TAF1A: variants seen among roughly 807,000 people sequenced by gnomAD.
The protein encoded by TAF1A is TATA-box binding protein associated factor, RNA polymerase I subunit A.
TAF1A carries 42 observed loss-of-function variants against 61.6 expected under a neutral mutation model. The observed-to-expected ratio is 0.68, with a 90% CI of 0.53 to 0.88. The LOEUF (loss-of-function observed/expected upper bound fraction) is 0.88, where lower values mean the gene tolerates loss of function less well. Ranked by LOEUF, TAF1A falls within the 40% of genes least tolerant of loss-of-function variation. The probability of loss-of-function intolerance (pLI) is 0.00; values close to 1 mark genes in which losing one functional copy is unlikely to be tolerated. For synonymous variants in TAF1A, 179 were observed against 177.7 expected (o/e 1.01, Z -0.06); for missense variants, 424 against 518.7 (o/e 0.82, Z 1.77).
intron 4 of TAF1A, among the ~76,000 whole-genome samples, chr1:222,578,619 TATCTC>T (rs1660664105): frequency 6.6e-6 from 1 of 152,206 alleles, no homozygotes; most frequent in Admixed American, 6.5e-5. Flanking sequence ...TTTGCAAACT[TATCTC>T]AAGTATCACT....
chr1:222,569,129 C>A, intron 7 of TAF1A: 1 of 549,698 alleles, frequency 1.8e-6, no homozygotes, highest in Non-Finnish European at 2.4e-6. Flanking sequence ...CTGGGGGCGA[C>A]AGAAATGTTC....
chr1:222,581,275 G>A (rs1016040676), intron 3 of TAF1A, among the ~76,000 whole-genome samples: 12 of 152,176 alleles, frequency 7.9e-5, no homozygotes, highest in Non-Finnish European at 1.2e-4. Context: ...ACAAGAGGCT[G>A]TAACATGTTC....
chr1:222,566,878 AG>A lies in TAF1A; in HGVS notation c.894+2631del, dbSNP rs1187036140. 2.0e-5 allele frequency among the ~76,000 whole-genome samples: 3 copies of A among 152,376 alleles called. No individual in the cohort carries two copies. The East Asian group carries it at 5.8e-4, about 29-fold the overall frequency. On this transcript the variant is annotated intron_variant, in intron 7 of 10. Transcript: ENST00000352967. The stretch of plus-strand genomic sequence containing the variant: ...GAATGTAAAATAGTGTAGTTGCTGT[AG>A]AAAACAGTTTGACAATTCCTCAAAA...
intron 3 of TAF1A, among the ~76,000 whole-genome samples, chr1:222,581,966 GA>G (rs1401000856): frequency 6.6e-6 from 1 of 152,176 alleles, no homozygotes; most frequent in Non-Finnish European, 1.5e-5. Flanking sequence ...CTGGGGATAG[GA>G]CCAAAGGCTA....
At chr1:222,561,599 T>C in intron 9 of TAF1A, 81 bp from the exon 10 acceptor site, 1 of 1,325,482 alleles carries the variant, frequency 7.5e-7, no homozygotes, top group Non-Finnish European at 1.0e-6. Flanking sequence ...AACTAGAGTC[T>C]ACAGAAAGAT....
Position 222,589,852 on chromosome 1 carries a change from G to A in TAF1A, c.-128C>T, listed in dbSNP as rs1457176302. 5 of 391,880 alleles carry A rather than the reference G, an allele frequency of 1.3e-5. No individual in the cohort carries two copies. Among genetic ancestry groups the A allele is most frequent in the Non-Finnish European group, 2.2e-5 (5 of 222,378 alleles). The allele number at this position is 391,880 out of a possible 1,614,324, so 24.3% of individuals were successfully genotyped here. ...TGAGCAGGCGCTAAACCTGGTTTAG[G>A]TATTTAGGCAGCGCGCGGCCCGGCT... On this transcript the variant is annotated 5_prime_UTR_variant, in exon 1 of 11. Transcript: ENST00000352967.
At chr1:222,579,732 G>A (rs1660710263) in intron 4 of TAF1A, 27 bp downstream of exon 4, 7 of 1,586,154 alleles carry the variant, frequency 4.4e-6, no homozygotes, top group African/African-American at 2.7e-5. Flanking sequence ...TACTGCAAGT[G>A]TAAATTCACA....
chr1:222,558,774 TA>T lies in TAF1A; in HGVS notation c.1241-3del. 2 of 1,463,632 alleles carry T rather than the reference TA, an allele frequency of 1.4e-6. No individual in the cohort carries two copies. Among genetic ancestry groups the T allele is most frequent in the Non-Finnish European group, 1.8e-6 (2 of 1,085,082 alleles). 90.7% of individuals were successfully genotyped at this position (1,463,632 alleles called of 1,614,324 possible). On this transcript the variant is annotated splice_polypyrimidine_tract_variant and splice_region_variant and intron_variant, in intron 10 of 10. Transcript: ENST00000352967. ...AAATATACCGGAAATATCTACAACCTAAAAAGTTAAGCAAAATAAAAAGTTT... is the reference window on the plus strand; with the variant it reads ...AAATATACCGGAAATATCTACAACCTAAAAGTTAAGCAAAATAAAAAGTTT...
At chr1:222,554,588 C>T (rs1558137030), downstream of TAF1A, among the ~76,000 whole-genome samples, 1 of 150,460 alleles carries the variant, frequency 6.6e-6, no homozygotes, top group African/African-American at 2.4e-5. Context: ...AAAGGGCACA[C>T]CTATCTGTTT....
At chr1:222,581,768 C>T (rs1478677911) in intron 3 of TAF1A, among the ~76,000 whole-genome samples, 1 of 152,054 alleles carries the variant, frequency 6.6e-6, no homozygotes, top group African/African-American at 2.4e-5. Context: ...CTGGTTAAGG[C>T]AAAGGCAATC....
Position 222,586,820 on chromosome 1 carries a change from C to A in TAF1A, c.121+1623G>T, listed in dbSNP as rs190862847. ...CTACCAGCATAAAAAATAAATAGAA[C>A]AATTGTTAGGCAATTTTGTTTTCCT... is the stretch of plus-strand genomic sequence containing the variant. On this transcript the variant is annotated intron_variant, in intron 2 of 10. Coordinates refer to ENST00000352967, the MANE Select transcript of TAF1A (RefSeq NM_005681.4). Among the ~76,000 whole-genome samples the A allele has an allele frequency of 1.4e-3, 219 of 152,288 alleles. 1 individual carries two copies. Among genetic ancestry groups the A allele is most frequent in the African/African-American group, 5.0e-3 (209 of 41,574 alleles).
intron 5 of TAF1A, among the ~76,000 whole-genome samples, chr1:222,573,324 G>C (rs79055626): frequency 0.021 from 3,244 of 152,158 alleles, 94 homozygotes; most frequent in African/African-American, 0.074. Context: ...CACAGAAAAG[G>C]TGAAAATATT....
intron 3 of TAF1A, among the ~76,000 whole-genome samples, chr1:222,583,298 G>A (rs1334735475): frequency 2.0e-5 from 3 of 151,916 alleles, no homozygotes; most frequent in African/African-American, 7.2e-5. Flanking sequence ...TGGTTTCATG[G>A]GAGAAAAAAA....
Position 222,558,635 on chromosome 1 carries a change from A to G in TAF1A, c.*25T>C, listed in dbSNP as rs940151427. The stretch of plus-strand genomic sequence containing the variant: ...CCAAGCTACTTACTGTGTAGCTACA[A>G]CTGTGAAATAACTAAAATTCAGTAT... On this transcript the variant is annotated 3_prime_UTR_variant, in exon 11 of 11. Transcript: ENST00000352967. The G allele has an allele frequency of 7.8e-7, 1 of 1,290,304 alleles. No homozygotes were observed. The highest frequency in any genetic ancestry group is 1.1e-6 in the Non-Finnish European group (1 of 929,922). The allele number at this position is 1,290,304 out of a possible 1,614,324, so 79.9% of individuals were successfully genotyped here. A position where few individuals can be genotyped will look rare whatever the true frequency, so the allele number is the denominator to read the frequency against.
chr1:222,567,625 T>G (rs529639118), intron 7 of TAF1A, among the ~76,000 whole-genome samples: 107 of 152,326 alleles, frequency 7.0e-4, no homozygotes, highest in Middle Eastern at 3.4e-3. Context: ...ATGTTTACAC[T>G]TTGGAAACCT....
downstream of TAF1A, among the ~76,000 whole-genome samples, chr1:222,555,906 T>C (rs554507260): frequency 1.3e-5 from 2 of 152,146 alleles, no homozygotes; most frequent in African/African-American, 2.4e-5. Flanking sequence ...TGTCTTAAAA[T>C]AGTCGTGACG....
chr1:222,579,993 C>T (rs1272107311), intron 3 of TAF1A, 121 bp from the exon 4 acceptor site: 4 of 1,160,720 alleles, frequency 3.4e-6, no homozygotes, highest in Non-Finnish European at 4.7e-6. Context: ...GAGACCACTA[C>T]CGTCAACATT....
Position 222,584,188 on chromosome 1 carries a change from C to T in TAF1A, c.231G>A (p.Met77Ile), listed in dbSNP as rs149782151. Residue 77 changes from methionine to isoleucine, a missense_variant, in exon 3 of 11, where the codon ATG (methionine) becomes ATA (isoleucine). By Grantham distance (10) the Met-to-Ile change is conservative. Coordinates refer to ENST00000352967, the MANE Select transcript of TAF1A (RefSeq NM_005681.4). ...CTTCCAAGGTCTGAAAATAACTGTA[C>T]ATGTATTCTGCAGCTTGCTGCCATT... ...KHQWQQAAEYMYSYFQTLEDS... is the reference protein window; with the variant it reads ...KHQWQQAAEYIYSYFQTLEDS... 7.1e-5 allele frequency: 114 copies of T among 1,613,116 alleles called. No individual in the cohort carries two copies. In the African/African-American group the frequency reaches 1.3e-3, roughly 18 times the overall value.
chr1:222,561,353 A>C lies in TAF1A; in HGVS notation c.1240+11T>G. ...AGCTGTGTCTAGATAAAACGAAAAT[A>C]AAAACTGTACCTTTTCCTAACAGTA... is the stretch of plus-strand genomic sequence containing the variant. On this transcript the variant is annotated intron_variant, in intron 10 of 10. Coordinates refer to ENST00000352967, the MANE Select transcript of TAF1A (RefSeq NM_005681.4). 6.3e-7 allele frequency: 1 copy of C among 1,591,456 alleles called. No homozygotes were observed. The highest frequency in any genetic ancestry group is 2.2e-5 in the East Asian group (1 of 44,544).
Sources: gnomAD v4.1 joint callset for allele counts (sites outside exome capture counted in the v4.1 genomes callset) on GRCh38, gnomAD v4.1.1 for gene constraint, MANE v1.5 for transcripts, NCBI Gene and HGNC (gene_info 2026-07-23, HGNC 2026-07-21) for gene names.